Variants in CTDSP2 observed in about 807,000 individuals in gnomAD.
CTDSP2 encodes CTD small phosphatase 2.
Under a neutral mutation model 31.6 loss-of-function variants are expected in CTDSP2, and 9 were observed. The ratio of observed to expected loss-of-function variants is 0.28; its 90% CI spans 0.17 to 0.50. The LOEUF (loss-of-function observed/expected upper bound fraction) is 0.50, where lower values mean the gene tolerates loss of function less well. Among genes scored for constraint, CTDSP2 ranks in the 20% least tolerant of loss-of-function variants. The pLI is 0.98. For missense variants in CTDSP2, 267 were observed against 348.5 expected (o/e 0.77, Z 1.86); for synonymous variants, 134 against 134.5 (o/e 1.00, Z 0.03).
chr12:57,839,457 G>A (rs1268868038), intron 1 of CTDSP2, among the ~76,000 whole-genome samples: 4 of 152,224 alleles, frequency 2.6e-5, no homozygotes, highest in East Asian at 3.8e-4. Flanking sequence ...GGTGGCTCAA[G>A]CCTGTAATCC....
At chr12:57,845,445 C>T (rs887097681) in intron 1 of CTDSP2, 12 of 152,176 alleles carry the variant, frequency 7.9e-5, no homozygotes, top group African/African-American at 2.9e-4. Flanking sequence ...CTCACCCCCG[C>T]GAGGGCCTGC....
intron 1 of CTDSP2, among the ~76,000 whole-genome samples, chr12:57,843,187 G>A (rs554616635): frequency 6.6e-6 from 1 of 152,172 alleles, no homozygotes; most frequent in Non-Finnish European, 1.5e-5. Flanking sequence ...TTCACGTTGG[G>A]AGGTTACAGC....
intron 2 of CTDSP2, among the ~76,000 whole-genome samples, chr12:57,827,908 G>A (rs923166853): frequency 4.6e-5 from 7 of 152,170 alleles, no homozygotes; most frequent in African/African-American, 1.7e-4. Context: ...GTCAGAGGCA[G>A]AACCAAAGTC....
chr12:57,841,630 C>T (rs2140485007), intron 1 of CTDSP2, among the ~76,000 whole-genome samples: 1 of 152,310 alleles, frequency 6.6e-6, no homozygotes, highest in East Asian at 1.9e-4. Context: ...GGGGTCTGTG[C>T]AGCAAGGCTG....
At chr12:57,826,452 A>T (rs1431787449) in intron 4 of CTDSP2, 50 bp from the exon 5 acceptor site, 1 of 1,578,508 alleles carries the variant, frequency 6.3e-7, no homozygotes, top group Non-Finnish European at 8.7e-7. Context: ...AAGAAACATG[A>T]GGCCCCCACC....
chr12:57,823,540 C>A lies in CTDSP2; in HGVS notation c.*62G>T, dbSNP rs948579347. 1 of 1,590,392 alleles carries A rather than the reference C, an allele frequency of 6.3e-7. No individual in the cohort carries two copies. Among genetic ancestry groups the A allele is most frequent in the South Asian group, 1.1e-5 (1 of 89,176 alleles). On this transcript the variant is annotated 3_prime_UTR_variant, in exon 8 of 8. Coordinates refer to ENST00000398073, the MANE Select transcript of CTDSP2 (RefSeq NM_005730.4). ...CCAGCTTCTACTCTGTCACGCTGAT[C>A]GTAAAGGCACAGTGTGGGAAAGTCC...
intron 1 of CTDSP2, among the ~76,000 whole-genome samples, chr12:57,830,379 CG>C (rs1565845923): frequency 6.6e-6 from 1 of 151,860 alleles, no homozygotes; most frequent in Non-Finnish European, 1.5e-5. Flanking sequence ...AGTGAGACTC[CG>C]TCTCAAAAAA....
intron 5 of CTDSP2, 154 bp from the exon 6 acceptor site, chr12:57,824,473 C>T (rs1397288688): frequency 1.9e-5 from 13 of 679,674 alleles, no homozygotes; most frequent in Non-Finnish European, 3.5e-5. Flanking sequence ...CCCCCTGAGA[C>T]CCCACAGACC....
At chr12:57,829,141 A>G (rs1208399748) in intron 2 of CTDSP2, among the ~76,000 whole-genome samples, 1 of 152,206 alleles carries the variant, frequency 6.6e-6, no homozygotes, top group African/African-American at 2.4e-5. Flanking sequence ...TGATCTCCTT[A>G]CAGGGCTGCT....
rs1278254563 is a variant in CTDSP2, at chr12:57,844,597, G to A, written c.64+1775C>T. The stretch of plus-strand genomic sequence containing the variant: ...TTTCTTCCCCTCTGGCTAGCTCTTA[G>A]GGTCTTTTCCTGGGATAAAAAGGGA... On this transcript the variant is annotated intron_variant, in intron 1 of 7. Coordinates refer to ENST00000398073, the MANE Select transcript of CTDSP2 (RefSeq NM_005730.4). 2.0e-5 allele frequency among the ~76,000 whole-genome samples: 3 copies of A among 151,996 alleles called. No homozygotes were observed. In the East Asian group the frequency reaches 5.8e-4, roughly 29 times the overall value.
In CTDSP2 at chr12:57,846,655, GC is replaced by G; in HGVS notation, c.-221del. On this transcript the variant is annotated 5_prime_UTR_variant, in exon 1 of 8. Coordinates refer to ENST00000398073, the MANE Select transcript of CTDSP2 (RefSeq NM_005730.4). ...GCAGCGGCTCCCCCGGGTGCCCCCGGCCCCGATCCCCCAGCGGCAGCTCCGG... is the reference window on the plus strand; with the variant it reads ...GCAGCGGCTCCCCCGGGTGCCCCCGGCCCGATCCCCCAGCGGCAGCTCCGG... The G allele has an allele frequency of 2.2e-6, 1 of 450,000 alleles. No homozygotes were observed. The highest frequency in any genetic ancestry group is 3.9e-6 in the Non-Finnish European group (1 of 257,422). 27.9% of individuals were successfully genotyped at this position (450,000 alleles called of 1,614,324 possible).
At chr12:57,837,739 T>C (rs1203574399) in intron 1 of CTDSP2, among the ~76,000 whole-genome samples, 1 of 152,146 alleles carries the variant, frequency 6.6e-6, no homozygotes, top group African/African-American at 2.4e-5. Flanking sequence ...AAAGCAGTTT[T>C]AGCCATGCTG....
chr12:57,841,292 G>C (rs534461045), intron 1 of CTDSP2, among the ~76,000 whole-genome samples: 1 of 152,202 alleles, frequency 6.6e-6, no homozygotes, highest in East Asian at 1.9e-4. Context: ...AACCACAGGA[G>C]CAAACAAATA....
chr12:57,836,365 GC>G (rs1423285345), intron 1 of CTDSP2, among the ~76,000 whole-genome samples: 1 of 152,210 alleles, frequency 6.6e-6, no homozygotes, highest in Non-Finnish European at 1.5e-5. Context: ...GACACTATTT[GC>G]CCCTATGCAT....
intron 2 of CTDSP2, among the ~76,000 whole-genome samples, chr12:57,829,109 T>C (rs912047972): frequency 6.6e-6 from 1 of 152,204 alleles, no homozygotes; most frequent in Non-Finnish European, 1.5e-5. Flanking sequence ...CATAAATCCA[T>C]ATCTGCAAAG....
chr12:57,824,930 C>T (rs889964738), intron 5 of CTDSP2, among the ~76,000 whole-genome samples: 1 of 152,180 alleles, frequency 6.6e-6, no homozygotes, highest in Admixed American at 6.5e-5. Context: ...CACCTGACCC[C>T]CCATCGGTCT....
At chr12:57,846,301 G>A in intron 1 of CTDSP2, 71 bp downstream of exon 1, 1 of 1,433,594 alleles carries the variant, frequency 7.0e-7, no homozygotes, top group Admixed American at 2.0e-5. Context: ...GCCGAGACCT[G>A]GGTTCGGGGC....
At position 57,832,112 on chromosome 12, in the gene CTDSP2, C is replaced by A. The variant is rs138354736; in HGVS notation, c.65-2516G>T. Among the ~76,000 whole-genome samples, 5 of 152,320 alleles carry A rather than the reference C, an allele frequency of 3.3e-5. No individual in the cohort carries two copies. The East Asian group carries it at 9.7e-4, about 29-fold the overall frequency. Reference sequence around the variant, plus strand: ...TCCTGCAGGTGCAGGCTCAGCCTCCCCAGTTGGCTGGTCCAGAGCTTGCGC... The same window carrying A: ...TCCTGCAGGTGCAGGCTCAGCCTCCACAGTTGGCTGGTCCAGAGCTTGCGC... On this transcript the variant is annotated intron_variant, in intron 1 of 7. Transcript: ENST00000398073.
chr12:57,834,093 A>G (rs1956232456), intron 1 of CTDSP2, among the ~76,000 whole-genome samples: 1 of 152,198 alleles, frequency 6.6e-6, no homozygotes, highest in African/African-American at 2.4e-5. Context: ...ATTACCCTGT[A>G]TAGGGTCTCA....
Sources: allele counts gnomAD v4.1 joint callset (sites outside exome capture counted in the v4.1 genomes callset), GRCh38; gene constraint gnomAD v4.1.1; transcripts MANE v1.5; gene names NCBI Gene and HGNC (gene_info 2026-07-23, HGNC 2026-07-21).